Variants in ZNF697 observed in about 807,000 individuals in gnomAD.
The protein encoded by ZNF697 is zinc finger protein 697.
In ZNF697, 23 loss-of-function variants were observed where a neutral mutation model predicts 32.4. The observed-to-expected ratio is 0.71, with a 90% confidence interval of 0.51 to 1.01. The LOEUF is 1.01. Ranked by LOEUF, ZNF697 falls within the 50% of genes least tolerant of loss-of-function variation. The pLI, the probability that ZNF697 is intolerant of heterozygous loss-of-function variation, is 0.00. For synonymous variants in ZNF697, 418 were observed against 337.2 expected (o/e 1.24, Z -2.62); for missense variants, 930 against 794.0 (o/e 1.17, Z -2.06).
intron 1 of ZNF697, among the ~76,000 whole-genome samples, chr1:119,626,834 A>C (rs1323039841): frequency 6.6e-6 from 1 of 152,200 alleles, no homozygotes; most frequent in Non-Finnish European, 1.5e-5. Flanking sequence ...CAAGAAAAAG[A>C]GGTACAGGGG....
chr1:119,644,885 G>A lies in ZNF697; in HGVS notation c.-38+2806C>T, dbSNP rs587628007. Among the ~76,000 whole-genome samples, 16 of 152,280 alleles carry A rather than the reference G, an allele frequency of 1.1e-4. No homozygotes were observed. In the South Asian group the frequency reaches 2.5e-3, roughly 24 times the overall value. ...ATTTTAATCCTCATAGATTGCTTGG[G>A]CTATAAAAATAAAAATGGCATGGTA... On this transcript the variant is annotated intron_variant, in intron 1 of 2. Coordinates refer to ENST00000421812, the MANE Select transcript of ZNF697 (RefSeq NM_001080470.2).
intron 2 of ZNF697, among the ~76,000 whole-genome samples, chr1:119,625,518 ACT>A (rs1303721585): frequency 6.6e-6 from 1 of 152,232 alleles, no homozygotes; most frequent in African/African-American, 2.4e-5. Flanking sequence ...GTGCTTAGTA[ACT>A]CTATATGCAG....
intron 1 of ZNF697, among the ~76,000 whole-genome samples, chr1:119,629,816 T>C (rs943779578): frequency 6.6e-6 from 1 of 152,242 alleles, no homozygotes; most frequent in African/African-American, 2.4e-5. Context: ...CTAGCCTTGC[T>C]GCTAAAGGTT....
rs587618855 is a variant in ZNF697 at position 119,624,090 on chromosome 1, C to A, written c.253G>T (p.Val85Phe). 1.0e-4 allele frequency: 165 copies of A among 1,586,714 alleles called. No homozygotes were observed. In the South Asian group the frequency reaches 1.7e-3, roughly 17 times the overall value. ...TEGQLSEEEGVSVRGEEDDQS... is the reference protein window; with the variant it reads ...TEGQLSEEEGFSVRGEEDDQS... ...TCATCCTCTTCCCCACGGACAGAAA[C>A]GCCTTCTTCCTCACTCAGCTGCCCC... Residue 85 changes from valine (V) to phenylalanine (F), a missense_variant, in exon 3 of 3, where the codon GTT (valine) becomes TTT (phenylalanine). Transcript: ENST00000421812.
intron 1 of ZNF697, among the ~76,000 whole-genome samples, chr1:119,637,019 A>T (rs587672170): frequency 3.9e-5 from 6 of 152,330 alleles, no homozygotes; most frequent in African/African-American, 1.4e-4. Flanking sequence ...GCAGTGAGTA[A>T]AATCACATTA....
chr1:119,624,070 C>T lies in ZNF697; in HGVS notation c.273G>A (p.Glu91=), dbSNP rs1341346242. 1 of 1,600,264 alleles carries T rather than the reference C, an allele frequency of 6.2e-7. No homozygotes were observed. Among genetic ancestry groups the T allele is most frequent in the Non-Finnish European group, 8.5e-7 (1 of 1,172,542 alleles). Residue 91 remains glutamate, a synonymous_variant, in exon 3 of 3, where the codon GAG becomes GAA. Transcript: ENST00000421812. ...EEEGVSVRGE[E]DDQSGVADMA... ...TGTCAGCTACACCGGATTGGTCATC[C>T]TCTTCCCCACGGACAGAAACGCCTT... is the stretch of plus-strand genomic sequence containing the variant.
At chr1:119,628,194 A>C (rs1199897339) in intron 1 of ZNF697, among the ~76,000 whole-genome samples, 1 of 152,176 alleles carries the variant, frequency 6.6e-6, no homozygotes, top group Non-Finnish European at 1.5e-5. Context: ...AAAATAGCAG[A>C]GGTACAGTGC....
intron 1 of ZNF697, among the ~76,000 whole-genome samples, chr1:119,636,026 C>T (rs1570945779): frequency 1.3e-5 from 2 of 152,102 alleles, no homozygotes; most frequent in East Asian, 3.8e-4. Context: ...ACACAGCTTT[C>T]CTCCAGGAAG....
chr1:119,622,596 C>T lies in ZNF697; in HGVS notation c.*109G>A, dbSNP rs964079770. The T allele has an allele frequency of 2.0e-5, 29 of 1,429,184 alleles. No homozygotes were observed. The African/African-American group carries it at 3.6e-4, about 18-fold the overall frequency. The allele number at this position is 1,429,184 out of a possible 1,614,324, so 88.5% of individuals were successfully genotyped here. On this transcript the variant is annotated 3_prime_UTR_variant, in exon 3 of 3. Coordinates refer to ENST00000421812, the MANE Select transcript of ZNF697 (RefSeq NM_001080470.2). ...CCAAACACCAAAGGCTCCCCAGTCA[C>T]TCTCAGATTGTCCCTCCCGCCCCTT...
At chr1:119,633,474 T>C (rs1221125225) in intron 1 of ZNF697, among the ~76,000 whole-genome samples, 1 of 152,044 alleles carries the variant, frequency 6.6e-6, no homozygotes, top group African/African-American at 2.4e-5. Flanking sequence ...GTCCAAAATC[T>C]GTAGGGTCAG....
intron 1 of ZNF697, among the ~76,000 whole-genome samples, chr1:119,634,304 A>T (rs188315291): frequency 1.3e-5 from 2 of 152,334 alleles, no homozygotes; most frequent in Admixed American, 1.3e-4. Flanking sequence ...ACAACAAAAC[A>T]ACCGCTCTTC....
chr1:119,627,637 A>G (rs916972239), intron 1 of ZNF697, among the ~76,000 whole-genome samples: 2 of 152,184 alleles, frequency 1.3e-5, no homozygotes, highest in Admixed American at 6.5e-5. Context: ...TCATCACCAT[A>G]TTAGACTCTT....
chr1:119,631,550 G>C (rs1195359607), intron 1 of ZNF697, among the ~76,000 whole-genome samples: 1 of 152,238 alleles, frequency 6.6e-6, no homozygotes, highest in Non-Finnish European at 1.5e-5. Context: ...CCGACCAGCA[G>C]GGACGGCCAG....
chr1:119,644,328 G>A (rs1649149804), intron 1 of ZNF697, among the ~76,000 whole-genome samples: 2 of 152,184 alleles, frequency 1.3e-5, no homozygotes, highest in South Asian at 4.1e-4. Flanking sequence ...CTTTCCAACT[G>A]ATGGTCATTA....
intron 1 of ZNF697, among the ~76,000 whole-genome samples, chr1:119,646,571 C>G (rs999470423): frequency 2.6e-5 from 4 of 152,172 alleles, no homozygotes; most frequent in African/African-American, 9.7e-5. Context: ...GCTCAGGGCT[C>G]TCTCCATGTC....
intron 2 of ZNF697, 129 bp from the exon 3 acceptor site, chr1:119,624,245 C>T: frequency 8.5e-7 from 1 of 1,172,860 alleles, no homozygotes; most frequent in Non-Finnish European, 1.2e-6. Flanking sequence ...CCCTCCAAGA[C>T]CCCCTGAGAG....
chr1:119,627,198 C>T (rs1343837291), intron 1 of ZNF697, among the ~76,000 whole-genome samples: 1 of 152,180 alleles, frequency 6.6e-6, no homozygotes, highest in African/African-American at 2.4e-5. Flanking sequence ...CCTCAGCAGT[C>T]CCCAAACAGC....
chr1:119,636,053 A>C (rs1034292904), intron 1 of ZNF697, among the ~76,000 whole-genome samples: 2 of 152,180 alleles, frequency 1.3e-5, no homozygotes, highest in Non-Finnish European at 2.9e-5. Flanking sequence ...ATCTATCTCA[A>C]GAAGGAGGCT....
chr1:119,626,268 C>T, intron 1 of ZNF697, 131 bp from the exon 2 acceptor site: 1 of 1,239,210 alleles, frequency 8.1e-7, no homozygotes, highest in Non-Finnish European at 1.1e-6. Context: ...CCACTTCACT[C>T]CACATTTTAA....
Sources: allele counts gnomAD v4.1 joint callset (sites outside exome capture counted in the v4.1 genomes callset), GRCh38; gene constraint gnomAD v4.1.1; transcripts MANE v1.5; gene names NCBI Gene and HGNC (gene_info 2026-07-23, HGNC 2026-07-21).